The following NAALADL2 variants were observed in gnomAD, a reference collection of about 807,000 sequenced individuals.
NAALADL2 encodes the protein N-acetylated alpha-linked acidic dipeptidase like 2.
A neutral mutation model predicts 87.2 loss-of-function variants in NAALADL2; 76 were observed. That is an observed-to-expected ratio of 0.87 (90% confidence interval 0.72 to 1.05). NAALADL2 has a LOEUF of 1.05. NAALADL2 is among the 50% of genes least tolerant of loss of function. NAALADL2 has a pLI of 0.00. For missense variants in NAALADL2, 1,089 were observed against 945.8 expected (o/e 1.15, Z -1.99); for synonymous variants, 354 against 331.0 (o/e 1.07, Z -0.75).
chr3:174,961,328 A>G (rs1741962674), intron 1 of NAALADL2, among the ~76,000 whole-genome samples: 1 of 151,640 alleles, frequency 6.6e-6, no homozygotes. Context: ...TGTAAGATAT[A>G]TATACTTTAT....
chr3:174,511,421 G>A (rs986816164), intron 1 of NAALADL2, among the ~76,000 whole-genome samples: 9 of 151,708 alleles, frequency 5.9e-5, no homozygotes, highest in Non-Finnish European at 1.2e-4. Flanking sequence ...TCTCTTCTTT[G>A]TATTAATATT....
rs553878750 is a variant in NAALADL2 at position 175,039,113 on chromosome 3, C to A, written c.44-57677C>A. On this transcript the variant is annotated intron_variant, in intron 1 of 13. Coordinates refer to ENST00000454872, the MANE Select transcript of NAALADL2 (RefSeq NM_207015.3). Reference sequence around the variant, plus strand: ...TTTTAAAGAAAGAAAAATATGTTTTCTTTCCTTATCTCCTGGTTTATTTTT... The same window carrying A: ...TTTTAAAGAAAGAAAAATATGTTTTATTTCCTTATCTCCTGGTTTATTTTT... 6.2e-4 allele frequency among the ~76,000 whole-genome samples: 95 copies of A among 152,166 alleles called. 1 individual carries two copies. The highest frequency in any genetic ancestry group is 2.1e-3 in the African/African-American group (89 of 41,530).
intron 1 of NAALADL2, among the ~76,000 whole-genome samples, chr3:174,957,698 A>T (rs1225926551): frequency 6.6e-6 from 1 of 151,942 alleles, no homozygotes; most frequent in East Asian, 1.9e-4. Context: ...CTTGGAATAG[A>T]ATCTTTAAAT....
At chr3:175,160,360 C>CTTTTTTTTTTCTTTTTTT (rs1732977768) in intron 2 of NAALADL2, among the ~76,000 whole-genome samples, 1 of 57,036 alleles carries the variant, frequency 1.8e-5, no homozygotes, top group African/African-American at 5.4e-5. Flanking sequence ...TCTTTTCTTT[C>CTTTTTTTTTTCTTTTTTT]TTTTTTTTTT....
At chr3:175,446,434 G>T (rs906591242) in intron 5 of NAALADL2, among the ~76,000 whole-genome samples, 6 of 152,042 alleles carry the variant, frequency 3.9e-5, no homozygotes, top group African/African-American at 1.4e-4. Context: ...TATGCACGGG[G>T]TTTCACCTTA....
chr3:174,943,320 T>A (rs1054569371), intron 1 of NAALADL2, among the ~76,000 whole-genome samples: 5 of 152,146 alleles, frequency 3.3e-5, no homozygotes, highest in African/African-American at 1.2e-4. Context: ...ATTTTGAGGT[T>A]GAAGCTTTGG....
intron 9 of NAALADL2, among the ~76,000 whole-genome samples, chr3:175,510,960 A>G (rs1731066981): frequency 6.6e-6 from 1 of 152,170 alleles, no homozygotes; most frequent in Non-Finnish European, 1.5e-5. Context: ...ATTTGTTACT[A>G]TGGTGATGAT....
intron 1 of NAALADL2, among the ~76,000 whole-genome samples, chr3:174,949,371 C>A (rs982950034): frequency 6.6e-6 from 1 of 152,120 alleles, no homozygotes; most frequent in African/African-American, 2.4e-5. Flanking sequence ...GCCATGGTTG[C>A]AAGCCTGCCC....
rs1440416067 is a variant in NAALADL2, at chr3:175,786,285, CT to C, written c.2190-16719del. On this transcript the variant is annotated intron_variant, in intron 13 of 13. Transcript: ENST00000454872. Reference sequence around the variant, plus strand: ...TGGGGAAGTTCTCCTGGATAATATCCTGCAAAGTGTTTTCCAACTTGGTTCC... The same window carrying C: ...TGGGGAAGTTCTCCTGGATAATATCCGCAAAGTGTTTTCCAACTTGGTTCC... Among the ~76,000 whole-genome samples, 105 of 152,254 alleles carry C rather than the reference CT, an allele frequency of 6.9e-4. 1 individual carries two copies. Among genetic ancestry groups the C allele is most frequent in the South Asian group, 2.1e-3 (10 of 4,826 alleles).
At chr3:175,232,672 C>T (rs1033934194) in intron 2 of NAALADL2, among the ~76,000 whole-genome samples, 18 of 152,110 alleles carry the variant, frequency 1.2e-4, no homozygotes, top group African/African-American at 2.4e-4. Flanking sequence ...ATGCAGCCCA[C>T]GGGCCATAGG....
chr3:175,409,321 G>A (rs906805742), intron 5 of NAALADL2, among the ~76,000 whole-genome samples: 3 of 151,694 alleles, frequency 2.0e-5, no homozygotes, highest in African/African-American at 7.3e-5. Context: ...TGAGCTAAGT[G>A]CCTACCTACT....
intron 5 of NAALADL2, among the ~76,000 whole-genome samples, chr3:175,423,391 T>C (rs1436115948): frequency 2.6e-5 from 4 of 151,362 alleles, no homozygotes; most frequent in African/African-American, 9.7e-5. Context: ...ACATTAGGTA[T>C]ATCTCCTAAT....
intron 11 of NAALADL2, among the ~76,000 whole-genome samples, chr3:175,732,176 C>T (rs1743856929): frequency 6.6e-6 from 1 of 152,116 alleles, no homozygotes; most frequent in South Asian, 2.1e-4. Flanking sequence ...AAAGCTTCCC[C>T]TCCACTCTCT....
chr3:175,090,020 G>A lies in NAALADL2; in HGVS notation c.44-6770G>A, dbSNP rs1162861817. 3.3e-5 allele frequency among the ~76,000 whole-genome samples: 5 copies of A among 152,030 alleles called. No individual in the cohort carries two copies. In the South Asian group the frequency reaches 1.0e-3, roughly 32 times the overall value. On this transcript the variant is annotated intron_variant, in intron 1 of 13. Coordinates refer to ENST00000454872, the MANE Select transcript of NAALADL2 (RefSeq NM_207015.3). The stretch of plus-strand genomic sequence containing the variant: ...TATCTCATGTATGTGTGTTTCTAGT[G>A]TAAGCCACTTCCTACACTCTGAAGG...
At chr3:175,561,618 AG>A in intron 9 of NAALADL2, among the ~76,000 whole-genome samples, 1 of 152,328 alleles carries the variant, frequency 6.6e-6, no homozygotes, top group Middle Eastern at 3.4e-3. Context: ...CAATATCTAT[AG>A]AAGTATGTAT....
chr3:174,534,373 A>G (rs1186229258), intron 1 of NAALADL2, among the ~76,000 whole-genome samples: 1 of 152,234 alleles, frequency 6.6e-6, no homozygotes, highest in African/African-American at 2.4e-5. Flanking sequence ...TTAAATTCAA[A>G]ATGCTTTGAT....
At chr3:175,307,785 A>C (rs1015588337) in intron 4 of NAALADL2, among the ~76,000 whole-genome samples, 1 of 152,122 alleles carries the variant, frequency 6.6e-6, no homozygotes, top group Admixed American at 6.5e-5. Context: ...AAGTTTCTGA[A>C]ATTTAGTGTA....
At chr3:175,438,934 A>T (rs1055502050) in intron 5 of NAALADL2, among the ~76,000 whole-genome samples, 2 of 151,730 alleles carry the variant, frequency 1.3e-5, no homozygotes, top group African/African-American at 4.8e-5. Context: ...GATTTCTGAG[A>T]TTTTGGTATA....
At chr3:174,824,578 A>C (rs987771108) in intron 3 of NAALADL2, among the ~76,000 whole-genome samples, 1 of 152,216 alleles carries the variant, frequency 6.6e-6, no homozygotes, top group Admixed American at 6.5e-5. Context: ...ATGCATCCAC[A>C]TAAGTGATTT....
Sources: gnomAD v4.1 joint callset for allele counts (sites outside exome capture counted in the v4.1 genomes callset) on GRCh38, gnomAD v4.1.1 for gene constraint, MANE v1.5 for transcripts, NCBI Gene and HGNC (gene_info 2026-07-23, HGNC 2026-07-21) for gene names.